MYO1D: variants seen among roughly 807,000 people sequenced by gnomAD.
MYO1D encodes the protein unconventional myosin-Id.
MYO1D carries 83 observed loss-of-function variants against 122.0 expected under a neutral mutation model. The observed-to-expected ratio is 0.68, with a 90% confidence interval of 0.57 to 0.82. The LOEUF (loss-of-function observed/expected upper bound fraction) is 0.82, where lower values mean the gene tolerates loss of function less well. MYO1D is among the 40% of genes least tolerant of loss of function. MYO1D has a pLI of 0.00. For synonymous variants in MYO1D, 464 were observed against 446.9 expected (o/e 1.04, Z -0.48); for missense variants, 1,157 against 1,269.5 (o/e 0.91, Z 1.35).
chr17:32,660,611 A>C (rs2088549822), intron 16 of MYO1D, among the ~76,000 whole-genome samples: 1 of 152,260 alleles, frequency 6.6e-6, no homozygotes, highest in African/African-American at 2.4e-5. Context: ...CAATGGGTCA[A>C]GAAAAACCAT....
In MYO1D at chr17:32,494,676, G is replaced by T; in HGVS notation, c.*83C>A. ...GGGGCCCTCGCAGCAGGTTTCTAGC[G>T]GGCATGGGTTGGGAGGCAGCAGCTG... On this transcript the variant is annotated 3_prime_UTR_variant, in exon 22 of 22. Transcript: ENST00000318217. 2.1e-6 allele frequency: 3 copies of T among 1,435,738 alleles called. No individual in the cohort carries two copies. The highest frequency in any genetic ancestry group is 1.4e-5 in the South Asian group (1 of 72,330). 88.9% of individuals were successfully genotyped at this position (1,435,738 alleles called of 1,614,324 possible). A position where few individuals can be genotyped will look rare whatever the true frequency, so the allele number is the denominator to read the frequency against.
chr17:32,629,663 G>A (rs1429508294), intron 20 of MYO1D, among the ~76,000 whole-genome samples: 1 of 151,922 alleles, frequency 6.6e-6, no homozygotes, highest in African/African-American at 2.4e-5. Flanking sequence ...TCCGGGAGGC[G>A]GAGGTTGCAC....
At chr17:32,606,160 G>C (rs933593972) in intron 20 of MYO1D, among the ~76,000 whole-genome samples, 7 of 152,106 alleles carry the variant, frequency 4.6e-5, no homozygotes, top group Non-Finnish European at 7.4e-5. Flanking sequence ...TCTCCAAGAA[G>C]AAATAACTTG....
rs2088584078 is a variant in MYO1D at position 32,662,730 on chromosome 17, T to G, written c.2122-3392A>C. Among the ~76,000 whole-genome samples, 4 of 152,174 alleles carry G rather than the reference T, an allele frequency of 2.6e-5. No homozygotes were observed. The South Asian group carries it at 8.3e-4, about 32-fold the overall frequency. On this transcript the variant is annotated intron_variant, in intron 16 of 21. Coordinates refer to ENST00000318217, the MANE Select transcript of MYO1D (RefSeq NM_015194.3). The stretch of plus-strand genomic sequence containing the variant: ...CAAGCTTCCTTCTGTGCCTTAGTTT[T>G]CTTAGCTGTAAAATGGGGATAATAA...
At chr17:32,852,095 T>C (rs2090994305) in intron 1 of MYO1D, among the ~76,000 whole-genome samples, 1 of 152,224 alleles carries the variant, frequency 6.6e-6, no homozygotes, top group Non-Finnish European at 1.5e-5. Flanking sequence ...GAAGTAGAAA[T>C]TGATATGACC....
At chr17:32,697,460 A>T (rs1490561485) in intron 16 of MYO1D, among the ~76,000 whole-genome samples, 1 of 152,198 alleles carries the variant, frequency 6.6e-6, no homozygotes, top group Non-Finnish European at 1.5e-5. Flanking sequence ...CAATAAAGCA[A>T]TGAATGGACT....
chr17:32,751,925 T>A (rs201262444), intron 11 of MYO1D, among the ~76,000 whole-genome samples: 1 of 151,908 alleles, frequency 6.6e-6, no homozygotes, highest in Non-Finnish European at 1.5e-5. Context: ...AGAAAAACAA[T>A]CCTAAAGTTC....
chr17:32,671,502 TCTAAAA>T, intron 16 of MYO1D, among the ~76,000 whole-genome samples: 1 of 152,240 alleles, frequency 6.6e-6, no homozygotes, highest in Non-Finnish European at 1.5e-5. Flanking sequence ...TTTCTGTAAA[TCTAAAA>T]TTATTTCAAA....
intron 19 of MYO1D, among the ~76,000 whole-genome samples, chr17:32,649,000 T>C (rs889075936): frequency 2.0e-5 from 3 of 152,180 alleles, no homozygotes; most frequent in African/African-American, 7.2e-5. Flanking sequence ...TTATAACATA[T>C]CACAGTCTAC....
At chr17:32,752,725 G>A (rs1253708788) in intron 11 of MYO1D, among the ~76,000 whole-genome samples, 2 of 152,008 alleles carry the variant, frequency 1.3e-5, no homozygotes, top group African/African-American at 2.4e-5. Flanking sequence ...ATAAGATATC[G>A]TCTTATACCA....
At chr17:32,852,850 C>T (rs2091000857) in intron 1 of MYO1D, among the ~76,000 whole-genome samples, 1 of 151,678 alleles carries the variant, frequency 6.6e-6, no homozygotes, top group Non-Finnish European at 1.5e-5. Context: ...TGGTATTTAC[C>T]TTCACTTCTC....
chr17:32,691,390 T>C (rs549025778), intron 16 of MYO1D, among the ~76,000 whole-genome samples: 4 of 151,562 alleles, frequency 2.6e-5, no homozygotes, highest in South Asian at 2.1e-4. Flanking sequence ...ATGAGAAATG[T>C]TGCAAAGAAA....
chr17:32,867,146 T>G (rs1222928076), intron 1 of MYO1D, among the ~76,000 whole-genome samples: 1 of 151,698 alleles, frequency 6.6e-6, no homozygotes, highest in African/African-American at 2.4e-5. Context: ...GCCAACATGG[T>G]GAAATCCCAT....
At chr17:32,551,665 C>T (rs2087016341) in intron 21 of MYO1D, among the ~76,000 whole-genome samples, 1 of 152,066 alleles carries the variant, frequency 6.6e-6, no homozygotes, top group Non-Finnish European at 1.5e-5. Flanking sequence ...CCTGGACTAA[C>T]ATTAAAACAT....
At chr17:32,780,926 A>G in intron 1 of MYO1D, 142 bp from the exon 2 acceptor site, 1 of 829,380 alleles carries the variant, frequency 1.2e-6, no homozygotes, top group Non-Finnish European at 1.9e-6. Flanking sequence ...CTCTGAGTTA[A>G]CTTGTAGAGA....
rs543448570 is a variant in MYO1D at position 32,676,311 on chromosome 17, A to T, written c.2122-16973T>A. Among the ~76,000 whole-genome samples, 69 of 151,124 alleles carry T rather than the reference A, an allele frequency of 4.6e-4. 1 individual carries two copies. In the South Asian group the frequency reaches 5.4e-3, roughly 12 times the overall value. On this transcript the variant is annotated intron_variant, in intron 16 of 21. Coordinates refer to ENST00000318217, the MANE Select transcript of MYO1D (RefSeq NM_015194.3). Reference sequence around the variant, plus strand: ...AGGGTTATTCAACTTTTAAAAATTCATTAGCTATTTAGATTTTTTCTTTTG... The same window carrying T: ...AGGGTTATTCAACTTTTAAAAATTCTTTAGCTATTTAGATTTTTTCTTTTG...
chr17:32,845,064 A>C (rs1377973066), intron 1 of MYO1D, among the ~76,000 whole-genome samples: 2 of 151,576 alleles, frequency 1.3e-5, no homozygotes, highest in East Asian at 1.9e-4. Context: ...AAAATCTGGA[A>C]GGCTACACCA....
chr17:32,706,865 T>G (rs1241853466), intron 16 of MYO1D, among the ~76,000 whole-genome samples: 1 of 152,016 alleles, frequency 6.6e-6, no homozygotes, highest in South Asian at 2.1e-4. Context: ...CCTGGCTAAT[T>G]TTTTGTATTT....
intron 21 of MYO1D, among the ~76,000 whole-genome samples, chr17:32,554,896 G>A (rs1159205610): frequency 6.6e-6 from 1 of 152,118 alleles, no homozygotes; most frequent in Admixed American, 6.5e-5. Context: ...CTAGTGCAAA[G>A]TGAGTAGCTT....
Sources: gnomAD v4.1 joint callset for allele counts (sites outside exome capture counted in the v4.1 genomes callset) on GRCh38, gnomAD v4.1.1 for gene constraint, MANE v1.5 for transcripts, NCBI Gene and HGNC (gene_info 2026-07-23, HGNC 2026-07-21) for gene names.